Variants in CCDC30 observed in about 807,000 individuals in gnomAD.
CCDC30 encodes the protein coiled-coil domain containing 30.
A neutral mutation model predicts 100.2 loss-of-function variants in CCDC30; 70 were observed. The observed-to-expected ratio is 0.70, with a 90% CI of 0.58 to 0.85. The LOEUF (loss-of-function observed/expected upper bound fraction) is 0.85. CCDC30 is among the 40% of genes least tolerant of loss of function. CCDC30 has a pLI of 0.00. For missense variants in CCDC30, 652 were observed against 771.2 expected (o/e 0.85, Z 1.83); for synonymous variants, 233 against 269.5 (o/e 0.86, Z 1.33).
At chr1:42,578,156 G>A (rs1006193960) in intron 8 of CCDC30, among the ~76,000 whole-genome samples, 2 of 151,716 alleles carry the variant, frequency 1.3e-5, no homozygotes, top group African/African-American at 4.8e-5. Flanking sequence ...AGTTAAATTC[G>A]ACAAAAAAAA....
At chr1:42,632,486 G>T (rs72967288) in intron 11 of CCDC30, among the ~76,000 whole-genome samples, 3 of 151,712 alleles carry the variant, frequency 2.0e-5, no homozygotes, top group Admixed American at 2.0e-4. Flanking sequence ...AAATAAGGCC[G>T]GGGGCGGTAG....
At chr1:42,512,456 G>T (rs905283269) in intron 6 of CCDC30, among the ~76,000 whole-genome samples, 3 of 152,136 alleles carry the variant, frequency 2.0e-5, no homozygotes, top group African/African-American at 7.2e-5. Flanking sequence ...CGGGTGGGGG[G>T]AGACCCTCTG....
chr1:42,642,652 G>T (rs751415923), intron 13 of CCDC30, 43 bp downstream of exon 17: 2 of 1,438,538 alleles, frequency 1.4e-6, no homozygotes, highest in East Asian at 2.6e-5. Context: ...TCCACAAGAG[G>T]ATGTTTCTCC....
chr1:42,473,021 A>T, intron 1 of CCDC30: 1 of 1,082,760 alleles, frequency 9.2e-7, no homozygotes, highest in Non-Finnish European at 1.2e-6. Context: ...AAAGACTAGT[A>T]CTCTAATAAG....
chr1:42,522,954 C>G (rs571968250), intron 6 of CCDC30, among the ~76,000 whole-genome samples: 1 of 152,078 alleles, frequency 6.6e-6, no homozygotes, highest in East Asian at 1.9e-4. Flanking sequence ...CTCAGCCTCC[C>G]GAGTAGCTGG....
chr1:42,619,611 TC>T (rs36054238), intron 11 of CCDC30, among the ~76,000 whole-genome samples: 30,917 of 151,906 alleles, frequency 0.2, 3,766 homozygotes, highest in Non-Finnish European at 0.26. Flanking sequence ...GCAAAGGTGG[TC>T]TTGTTATATA....
chr1:42,535,734 A>T (rs112254076), intron 6 of CCDC30, among the ~76,000 whole-genome samples: 1,415 of 6,362 alleles, frequency 0.22, 50 homozygotes, highest in African/African-American at 0.37. Context: ...TTAAAAAATT[A>T]AAAAAATAAA....
At position 42,545,071 on chromosome 1, in the gene CCDC30, T is replaced by C. The variant is rs548090336; in HGVS notation, c.457-21225T>C. ...AAAATGTGTGGTGATCATGTAAAAC[T>C]CTGTAGATCACATATTTGTGCTTGT... On this transcript the variant is annotated intron_variant, in intron 6 of 16. Coordinates refer to ENST00000668663, the Ensembl canonical transcript of CCDC30. Among the ~76,000 whole-genome samples, 12 of 149,286 alleles carry C rather than the reference T, an allele frequency of 8.0e-5. No homozygotes were observed. The South Asian group carries it at 2.3e-3, about 29-fold the overall frequency.
chr1:42,461,535 T>G (rs1031816902), upstream of CCDC30, among the ~76,000 whole-genome samples: 1 of 151,584 alleles, frequency 6.6e-6, no homozygotes, highest in African/African-American at 2.4e-5. Flanking sequence ...AAGGTCTTAC[T>G]ATGTTACCCA....
chr1:42,542,539 CTTTTTTTTTT>C lies in CCDC30; in HGVS notation c.457-23744_457-23735del. On this transcript the variant is annotated intron_variant, in intron 6 of 16. Coordinates refer to ENST00000668663, the Ensembl canonical transcript of CCDC30. ...CACACCTGGCTAATTTTAAATTTTT[CTTTTTTTTTT>C]TTTTTTTTTTTTGAGACGGAGTCTC... is the stretch of plus-strand genomic sequence containing the variant. 2.6e-5 allele frequency among the ~76,000 whole-genome samples: 2 copies of C among 75,576 alleles called. 1 individual carries two copies. Among genetic ancestry groups the C allele is most frequent in the Non-Finnish European group, 5.1e-5 (2 of 39,066 alleles). The allele number at this position is 75,576 out of a possible 152,430, so 49.6% of individuals were successfully genotyped here. A position where few individuals can be genotyped will look rare whatever the true frequency, so the allele number is the denominator to read the frequency against.
At chr1:42,462,475 A>C (rs1177835941), upstream of CCDC30, among the ~76,000 whole-genome samples, 1 of 152,186 alleles carries the variant, frequency 6.6e-6, no homozygotes, top group Non-Finnish European at 1.5e-5. Context: ...TTATTATATA[A>C]AGAGTAAAAT....
chr1:42,650,497 A>ATGTGTGTGTGTGTGTGTGTGTG (rs57051349), intron 15 of CCDC30, among the ~76,000 whole-genome samples: 2 of 136,194 alleles, frequency 1.5e-5, no homozygotes, highest in Non-Finnish European at 3.1e-5. Flanking sequence ...AAAAATATAT[A>ATGTGTGTGTGTGTGTGTGTGTG]TGTGTGTGTG....
At chr1:42,505,181 G>T (rs1310378043) in intron 6 of CCDC30, among the ~76,000 whole-genome samples, 3 of 151,850 alleles carry the variant, frequency 2.0e-5, no homozygotes, top group Non-Finnish European at 4.4e-5. Flanking sequence ...CTTTTGGAAG[G>T]TCTATGAAGT....
At position 42,510,204 on chromosome 1, in the gene CCDC30, T is replaced by C. The variant is rs774915454; in HGVS notation, c.456+11288T>C. ...GGGAATGATGATTCCCCTGTTTCTT[T>C]ACTCTCTCTATTTTCTCTTTTCCTT... On this transcript the variant is annotated intron_variant, in intron 6 of 16. Coordinates refer to ENST00000668663, the Ensembl canonical transcript of CCDC30. The C allele has an allele frequency of 1.0e-4, 77 of 733,428 alleles. 1 individual carries two copies. Among genetic ancestry groups the C allele is most frequent in the Non-Finnish European group, 1.3e-4 (77 of 600,086 alleles). 45.4% of individuals were successfully genotyped at this position (733,428 alleles called of 1,614,324 possible).
intron 6 of CCDC30, among the ~76,000 whole-genome samples, chr1:42,545,050 T>C (rs1194592758): frequency 1.3e-5 from 2 of 150,830 alleles, no homozygotes; most frequent in East Asian, 3.9e-4. Flanking sequence ...AAAACAAAAA[T>C]GTGTGGTGAT....
At chr1:42,549,600 G>A (rs1645209286) in intron 6 of CCDC30, among the ~76,000 whole-genome samples, 1 of 152,150 alleles carries the variant, frequency 6.6e-6, no homozygotes, top group South Asian at 2.1e-4. Flanking sequence ...GGTAGGGTGG[G>A]AGGAACTCTT....
intron 6 of CCDC30, among the ~76,000 whole-genome samples, chr1:42,507,595 C>T (rs1260593766): frequency 6.6e-6 from 1 of 152,166 alleles, no homozygotes; most frequent in Non-Finnish European, 1.5e-5. Flanking sequence ...TTTTTACACA[C>T]CTTGCATGTA....
chr1:42,587,606 G>C (rs1272649422), intron 9 of CCDC30, among the ~76,000 whole-genome samples: 2 of 152,182 alleles, frequency 1.3e-5, no homozygotes, highest in Non-Finnish European at 2.9e-5. Flanking sequence ...GAGGTGGAGG[G>C]ATGTGAGCCC....
At chr1:42,472,272 G>T (rs952071451) in intron 1 of CCDC30, among the ~76,000 whole-genome samples, 5 of 151,998 alleles carry the variant, frequency 3.3e-5, no homozygotes, top group Non-Finnish European at 7.4e-5. Context: ...AAAATAGTTA[G>T]TGGCTCTAGT....
Sources: gnomAD v4.1 joint callset for allele counts (sites outside exome capture counted in the v4.1 genomes callset) on GRCh38, gnomAD v4.1.1 for gene constraint, MANE v1.5 for transcripts, NCBI Gene and HGNC (gene_info 2026-07-23, HGNC 2026-07-21) for gene names.